SLC38A12: variants seen among roughly 807,000 people sequenced by gnomAD.
SLC38A12 encodes the protein solute carrier family 38 member 12.
chr17:74,799,290 C>T, the SLC38A12 span, among the ~76,000 whole-genome samples: 3 of 152,368 alleles, frequency 2.0e-5, no homozygotes, highest in Middle Eastern at 6.8e-3. Flanking sequence ...CCCGGCAGGC[C>T]CCGGCCGAAC....
At chr17:74,807,030 CA>C in the SLC38A12 span, among the ~76,000 whole-genome samples, 1 of 152,170 alleles carries the variant, frequency 6.6e-6, no homozygotes, top group African/African-American at 2.4e-5. Context: ...AGCTCCTCTC[CA>C]GAAAGCAAAG....
the SLC38A12 span, chr17:74,838,640 G>A: frequency 1.0e-5 from 14 of 1,374,176 alleles, no homozygotes; most frequent in Non-Finnish European, 1.3e-5. Context: ...CCTCACCACT[G>A]CCGTTGTCTA....
At chr17:74,780,312 G>C in the SLC38A12 span, among the ~76,000 whole-genome samples, 1 of 152,218 alleles carries the variant, frequency 6.6e-6, no homozygotes, top group African/African-American at 2.4e-5. Context: ...CTGCTGGGTG[G>C]AGACGAGGCA....
the SLC38A12 span, among the ~76,000 whole-genome samples, chr17:74,799,794 G>T: frequency 2.0e-5 from 3 of 152,198 alleles, no homozygotes; most frequent in Non-Finnish European, 4.4e-5. Context: ...TTAAAATGGT[G>T]TGCAGTCCCC....
the SLC38A12 span, chr17:74,788,657 C>G: frequency 1.5e-6 from 1 of 676,940 alleles, no homozygotes; most frequent in Non-Finnish European, 2.5e-6. Context: ...AAGCCCATCT[C>G]TAGGGAACAG....
At chr17:74,825,572 G>A in the SLC38A12 span, among the ~76,000 whole-genome samples, 1 of 152,226 alleles carries the variant, frequency 6.6e-6, no homozygotes, top group East Asian at 1.9e-4. Context: ...AAAGGGTGTT[G>A]CCCTTGCAGC....
the SLC38A12 span, among the ~76,000 whole-genome samples, chr17:74,831,357 A>G: frequency 1.3e-5 from 2 of 152,174 alleles, no homozygotes; most frequent in Non-Finnish European, 2.9e-5. Flanking sequence ...CACCCAGGGG[A>G]AACTCAGTCC....
At chr17:74,781,963 A>G in the SLC38A12 span, among the ~76,000 whole-genome samples, 4 of 152,096 alleles carry the variant, frequency 2.6e-5, no homozygotes, top group East Asian at 1.9e-4. Context: ...TCCCTCGTCT[A>G]TTGCCTGGGT....
the SLC38A12 span, among the ~76,000 whole-genome samples, chr17:74,832,358 G>A: frequency 2.0e-5 from 3 of 152,144 alleles, no homozygotes; most frequent in Admixed American, 6.5e-5. Flanking sequence ...CCCAGCACCC[G>A]CCTTCATATC....
the SLC38A12 span, among the ~76,000 whole-genome samples, chr17:74,832,753 G>A: frequency 3.9e-5 from 6 of 152,230 alleles, no homozygotes; most frequent in African/African-American, 1.2e-4. Flanking sequence ...CTGCAGCTGC[G>A]CCTGCCCCGT....
chr17:74,808,927 T>C, the SLC38A12 span, among the ~76,000 whole-genome samples: 3 of 152,172 alleles, frequency 2.0e-5, no homozygotes, highest in Non-Finnish European at 4.4e-5. Context: ...CAGTGGGTCA[T>C]GGCATTAGGT....
At chr17:74,808,452 C>T in the SLC38A12 span, among the ~76,000 whole-genome samples, 5 of 152,262 alleles carry the variant, frequency 3.3e-5, no homozygotes, top group Non-Finnish European at 4.4e-5. Flanking sequence ...GTGCAGGTGT[C>T]TGCAGGGAGG....
the SLC38A12 span, among the ~76,000 whole-genome samples, chr17:74,801,575 C>T: frequency 3.3e-5 from 5 of 152,172 alleles, no homozygotes; most frequent in South Asian, 2.1e-4. Flanking sequence ...GCAGTCATCC[C>T]GTGAGACTGG....
At chr17:74,788,894 G>A in the SLC38A12 span, 16 of 1,605,552 alleles carry the variant, frequency 1.0e-5, no homozygotes, top group East Asian at 1.1e-4. Flanking sequence ...CCTCGTCTCC[G>A]GGCCATGCCT....
the SLC38A12 span, among the ~76,000 whole-genome samples, chr17:74,781,781 C>G: frequency 6.6e-6 from 1 of 152,312 alleles, no homozygotes; most frequent in African/African-American, 2.4e-5. Context: ...TTAAAATGCT[C>G]CAAAACATCC....
At chr17:74,813,239 C>CAG in the SLC38A12 span, among the ~76,000 whole-genome samples, 1 of 152,232 alleles carries the variant, frequency 6.6e-6, no homozygotes, top group African/African-American at 2.4e-5. Flanking sequence ...ACATTGCCCG[C>CAG]TTTTCAAGTC....
At chr17:74,780,565 C>T in the SLC38A12 span, among the ~76,000 whole-genome samples, 4 of 152,210 alleles carry the variant, frequency 2.6e-5, no homozygotes, top group Non-Finnish European at 5.9e-5. Flanking sequence ...CAGAAGAGAA[C>T]GTCTCCTTTC....
At chr17:74,804,853 G>A in the SLC38A12 span, among the ~76,000 whole-genome samples, 2 of 152,222 alleles carry the variant, frequency 1.3e-5, no homozygotes, top group African/African-American at 4.8e-5. Context: ...ACTACTGCAG[G>A]GAGGCTGTGC....
At chr17:74,818,092 T>G in the SLC38A12 span, among the ~76,000 whole-genome samples, 1 of 152,188 alleles carries the variant, frequency 6.6e-6, no homozygotes, top group Admixed American at 6.5e-5. Flanking sequence ...TTTTCCTAAA[T>G]GACTTACTGA....
Sources: gnomAD v4.1 joint callset for allele counts (sites outside exome capture counted in the v4.1 genomes callset) on GRCh38, gnomAD v4.1.1 for gene constraint, MANE v1.5 for transcripts, NCBI Gene and HGNC (gene_info 2026-07-23, HGNC 2026-07-21) for gene names.